Variants in MITD1 observed in about 807,000 individuals in gnomAD.
The protein encoded by MITD1 is MIT domain-containing protein 1.
In MITD1, 24 loss-of-function variants were observed where a neutral mutation model predicts 34.9. The ratio of observed to expected loss-of-function variants is 0.69; its 90% confidence interval spans 0.50 to 0.97. The LOEUF (loss-of-function observed/expected upper bound fraction) is 0.97. Ranked by LOEUF, MITD1 falls within the 50% of genes least tolerant of loss-of-function variation. The pLI, the probability that MITD1 is intolerant of heterozygous loss-of-function variation, is 0.00. For missense variants in MITD1, 266 were observed against 294.6 expected (o/e 0.90, Z 0.71); for synonymous variants, 102 against 101.4 (o/e 1.01, Z -0.04).
Position 99,171,664 on chromosome 2 carries a change from CA to C in MITD1, c.254-19del, listed in dbSNP as rs771559965. ...TTTTCCATCTATAAAACACAGGCTTCAACAGTAAAACCAGTGACCATTTTTT... is the reference window on the plus strand; with the variant it reads ...TTTTCCATCTATAAAACACAGGCTTCACAGTAAAACCAGTGACCATTTTTT... On this transcript the variant is annotated intron_variant, in intron 2 of 6. Coordinates refer to ENST00000289359, the MANE Select transcript of MITD1 (RefSeq NM_138798.3). The C allele has an allele frequency of 4.5e-5, 72 of 1,601,880 alleles. No homozygotes were observed. The highest frequency in any genetic ancestry group is 5.7e-5 in the Non-Finnish European group (67 of 1,175,860).
Position 99,169,623 on chromosome 2 carries a change from G to T in MITD1, c.594-13C>A. 5 of 1,573,236 alleles carry T rather than the reference G, an allele frequency of 3.2e-6. No homozygotes were observed. The highest frequency in any genetic ancestry group is 3.5e-6 in the Non-Finnish European group (4 of 1,143,182). The stretch of plus-strand genomic sequence containing the variant: ...TCCATTGTTGAACCTGTTGAAATTA[G>T]TATATAGTATTATATTCAAGACATT... On this transcript the variant is annotated splice_polypyrimidine_tract_variant and intron_variant, in intron 5 of 6. Coordinates refer to ENST00000289359, the MANE Select transcript of MITD1 (RefSeq NM_138798.3).
At position 99,181,038 on chromosome 2, in the gene MITD1, G is replaced by A. The variant is rs185839688; in HGVS notation, c.-57C>T. The A allele has an allele frequency of 8.3e-6, 13 of 1,564,206 alleles. No homozygotes were observed. Among genetic ancestry groups the A allele is most frequent in the African/African-American group, 1.4e-5 (1 of 73,724 alleles). On this transcript the variant is annotated 5_prime_UTR_variant, in exon 1 of 7. Transcript: ENST00000289359. ...GGATGAAGTTGAGCGGGTCTGCTGC[G>A]CTTCCGGGAAGTGGTCATGTGATAC...
At chr2:99,166,716 A>G (rs766899901), downstream of MITD1, among the ~76,000 whole-genome samples, 1 of 151,354 alleles carries the variant, frequency 6.6e-6, no homozygotes, top group Non-Finnish European at 1.5e-5. Context: ...ACTGACTCTA[A>G]TTTTATAAAT....
At position 99,162,924 on chromosome 2, in the gene MITD1, A is replaced by G. The variant is rs745395682; in HGVS notation, c.*4-706T>C. Reference sequence around the variant, plus strand: ...ACCTGATCATTGGTTGCCATTGGAAATACGTGACAAATTAAATTCAAGTCT... The same window carrying G: ...ACCTGATCATTGGTTGCCATTGGAAGTACGTGACAAATTAAATTCAAGTCT... On this transcript the variant is annotated intron_variant, in intron 7 of 7. Transcript: ENST00000422537. 7 of 1,613,654 alleles carry G rather than the reference A, an allele frequency of 4.3e-6. No individual in the cohort carries two copies. The highest frequency in any genetic ancestry group is 1.6e-4 in the Middle Eastern group (1 of 6,080).
At chr2:99,179,161 C>T (rs894552882) in intron 1 of MITD1, among the ~76,000 whole-genome samples, 6 of 152,276 alleles carry the variant, frequency 3.9e-5, no homozygotes, top group African/African-American at 1.4e-4. Flanking sequence ...TCTCTGTAAC[C>T]TCTACGGGAT....
At chr2:99,179,007 C>A (rs931760943) in intron 1 of MITD1, among the ~76,000 whole-genome samples, 2 of 152,222 alleles carry the variant, frequency 1.3e-5, no homozygotes, top group Admixed American at 1.3e-4. Flanking sequence ...CAATCAAACT[C>A]CACCTCTACC....
In MITD1 at chr2:99,170,871, C is replaced by T. The variant is rs766474373; in HGVS notation, c.478-219G>A. On this transcript the variant is annotated intron_variant, in intron 4 of 6. Coordinates refer to ENST00000289359, the MANE Select transcript of MITD1 (RefSeq NM_138798.3). ...TTTCTAATGTGAACATAACTCCATCCTGTCTCCTTAAATGTAGTTTAGAAT... is the reference window on the plus strand; with the variant it reads ...TTTCTAATGTGAACATAACTCCATCTTGTCTCCTTAAATGTAGTTTAGAAT... 10 of 338,318 alleles carry T rather than the reference C, an allele frequency of 3.0e-5. No individual in the cohort carries two copies. The South Asian group carries it at 6.7e-4, about 23-fold the overall frequency. The allele number at this position is 338,318 out of a possible 1,614,324, so 21.0% of individuals were successfully genotyped here. A position where few individuals can be genotyped will look rare whatever the true frequency, so the allele number is the denominator to read the frequency against.
At position 99,180,817 on chromosome 2, in the gene MITD1, G is replaced by A. The variant is rs2093914580; in HGVS notation, c.151+14C>T. ...CTTTTCCTCAGGTCCTCCCCGCCTT[G>A]GCTCATTGCTCACCTTTCAGAACCT... is the stretch of plus-strand genomic sequence containing the variant. On this transcript the variant is annotated intron_variant, in intron 1 of 6. Coordinates refer to ENST00000289359, the MANE Select transcript of MITD1 (RefSeq NM_138798.3). 3 of 1,610,594 alleles carry A rather than the reference G, an allele frequency of 1.9e-6. No individual in the cohort carries two copies. Among genetic ancestry groups the A allele is most frequent in the Non-Finnish European group, 2.5e-6 (3 of 1,176,934 alleles).
At chr2:99,171,689 T>A in intron 2 of MITD1, 43 bp from the exon 3 acceptor site, 1 of 1,570,312 alleles carries the variant, frequency 6.4e-7, no homozygotes, top group Non-Finnish European at 8.6e-7. Flanking sequence ...TGACCATTTT[T>A]TTTTTACACA....
chr2:99,167,873 G>A (rs1008125001), downstream of MITD1, among the ~76,000 whole-genome samples: 1 of 152,080 alleles, frequency 6.6e-6, no homozygotes, highest in Admixed American at 6.5e-5. Flanking sequence ...AAAAAATCAG[G>A]AACTGTTCTG....
chr2:99,173,681 A>G, intron 2 of MITD1: 2 of 551,816 alleles, frequency 3.6e-6, no homozygotes, highest in Non-Finnish European at 6.5e-6. Context: ...TGAGATGTTC[A>G]AAGGGGTGTC....
intron 2 of MITD1, 115 bp downstream of exon 2, chr2:99,173,800 C>A (rs2093870943): frequency 1.4e-6 from 1 of 700,854 alleles, no homozygotes; most frequent in Non-Finnish European, 2.5e-6. Context: ...CCTGTAAGCT[C>A]CCAGGGACAA....
In MITD1 at chr2:99,169,473, A is replaced by G. The variant is rs750251652; in HGVS notation, c.655-3T>C. 2 of 1,608,212 alleles carry G rather than the reference A, an allele frequency of 1.2e-6. No individual in the cohort carries two copies. The highest frequency in any genetic ancestry group is 1.7e-5 in the Admixed American group (1 of 59,574). ...CAATATCCAAGGGAAAAACGACTCT[A>G]AGAAGAGAAGAAAAGAGTATCATTA... On this transcript the variant is annotated splice_region_variant and splice_polypyrimidine_tract_variant and intron_variant, in intron 6 of 6. Coordinates refer to ENST00000289359, the MANE Select transcript of MITD1 (RefSeq NM_138798.3).
intron 1 of MITD1, among the ~76,000 whole-genome samples, chr2:99,179,165 A>T (rs995570737): frequency 6.6e-6 from 1 of 152,178 alleles, no homozygotes; most frequent in African/African-American, 2.4e-5. Flanking sequence ...TGTAACCTCT[A>T]CGGGATCAGT....
chr2:99,173,665 C>T, intron 2 of MITD1: 1 of 526,678 alleles, frequency 1.9e-6, no homozygotes, highest in South Asian at 2.0e-5. Flanking sequence ...GTAAGTATAG[C>T]TTTCATGAGA....
chr2:99,170,650 G>T lies in MITD1; in HGVS notation c.480C>A (p.Gly160=). The T allele has an allele frequency of 6.5e-7, 1 of 1,526,786 alleles. No individual in the cohort carries two copies. Among genetic ancestry groups the T allele is most frequent in the East Asian group, 2.3e-5 (1 of 44,284 alleles). The allele number at this position is 1,526,786 out of a possible 1,614,324, so 94.6% of individuals were successfully genotyped here. The change falls in exon 5 of 7, where the codon GGC becomes GGA. Residue 160 remains glycine (G), a splice_region_variant and synonymous_variant. Transcript: ENST00000289359. ...CTCTACTTTGCTGCACTTGCTCAAT[G>T]CCCTGTTAATAGCAAAAATACGATT... ...TIHLLTSLDE[G]IEQVQQSRGL...
downstream of MITD1, chr2:99,169,126 C>T (rs140946340): frequency 1.8e-3 from 499 of 271,668 alleles, 2 homozygotes; most frequent in African/African-American, 0.011. Flanking sequence ...GACATGCTCC[C>T]GCAGCCAAGT....
chr2:99,180,779 C>A, intron 1 of MITD1, 52 bp downstream of exon 1: 1 of 1,493,080 alleles, frequency 6.7e-7, no homozygotes, highest in Non-Finnish European at 9.3e-7. Context: ...CCAGACACAG[C>A]AGGAACCAGC....
At chr2:99,174,751 T>C (rs957824419) in intron 1 of MITD1, among the ~76,000 whole-genome samples, 4 of 152,154 alleles carry the variant, frequency 2.6e-5, no homozygotes, top group Admixed American at 2.6e-4. Context: ...CCACTATGCC[T>C]GGCTAGTTTT....
Sources: allele counts gnomAD v4.1 joint callset (sites outside exome capture counted in the v4.1 genomes callset), GRCh38; gene constraint gnomAD v4.1.1; transcripts MANE v1.5; gene names NCBI Gene and HGNC (gene_info 2026-07-23, HGNC 2026-07-21).